Variants in MYO10 observed in about 807,000 individuals in gnomAD.
MYO10 encodes unconventional myosin-X.
A neutral mutation model predicts 257.3 loss-of-function variants in MYO10; 133 were observed. That is an observed-to-expected ratio of 0.52 (90% CI 0.45 to 0.60). MYO10 has a LOEUF of 0.60. Ranked by LOEUF, MYO10 falls within the 20% of genes least tolerant of loss-of-function variation. The probability of loss-of-function intolerance (pLI) is 0.00; values close to 1 mark genes in which losing one functional copy is unlikely to be tolerated. For synonymous variants in MYO10, 1,104 were observed against 1,028.6 expected (o/e 1.07, Z -1.40); for missense variants, 2,399 against 2,635.7 (o/e 0.91, Z 1.97).
intron 2 of MYO10, among the ~76,000 whole-genome samples, chr5:16,831,971 C>T (rs1245238358): frequency 2.0e-5 from 3 of 152,090 alleles, no homozygotes; most frequent in Non-Finnish European, 2.9e-5. Context: ...TGAGACAGGT[C>T]TCACTTTGTC....
intron 2 of MYO10, among the ~76,000 whole-genome samples, chr5:16,821,943 A>C (rs1213034219): frequency 6.6e-6 from 1 of 151,670 alleles, no homozygotes; most frequent in African/African-American, 2.4e-5. Context: ...GCATTATTTC[A>C]AGATACAGGA....
intron 2 of MYO10, among the ~76,000 whole-genome samples, chr5:16,862,680 C>CGGAGCTTA (rs1744139066): frequency 6.6e-6 from 1 of 152,270 alleles, no homozygotes; most frequent in South Asian, 2.1e-4. Context: ...ACTGCCTGGT[C>CGGAGCTTA]GGAGCTTAGC....
At position 16,936,225 on chromosome 5, in the gene MYO10, C is replaced by T. The variant is rs1431930876; in HGVS notation, c.-417G>A. On this transcript the variant is annotated 5_prime_UTR_variant, in exon 1 of 41. Transcript: ENST00000513610. ...CAAAGTGAGCAGGAGCCGCGATCCC[C>T]GCGCGAGCGCTTGGAGGTGAGCAGT... is the stretch of plus-strand genomic sequence containing the variant. The T allele has an allele frequency of 4.7e-5, 9 of 190,996 alleles. 1 individual carries two copies. In the South Asian group the frequency reaches 6.4e-4, roughly 13 times the overall value. 11.8% of individuals were successfully genotyped at this position (190,996 alleles called of 1,614,324 possible).
chr5:16,760,837 C>T (rs867866738), intron 17 of MYO10, among the ~76,000 whole-genome samples: 38 of 152,214 alleles, frequency 2.5e-4, no homozygotes, highest in Admixed American at 9.8e-4. Context: ...GGGGAAGTCA[C>T]TTAACAGCTT....
chr5:16,785,427 T>C (rs770763827), intron 4 of MYO10, among the ~76,000 whole-genome samples: 6 of 152,246 alleles, frequency 3.9e-5, no homozygotes, highest in Non-Finnish European at 7.3e-5. Context: ...GCGACAGCTG[T>C]TGGTGGCTGA....
Position 16,748,168 on chromosome 5 carries a change from C to T in MYO10, c.1929+6660G>A, listed in dbSNP as rs186832420. Among the ~76,000 whole-genome samples, 65 of 152,176 alleles carry T rather than the reference C, an allele frequency of 4.3e-4. 1 individual carries two copies. The highest frequency in any genetic ancestry group is 1.3e-3 in the African/African-American group (53 of 41,546). The stretch of plus-strand genomic sequence containing the variant: ...CACTGCAGCCTTGACCTCCCAGGCT[C>T]GGATGATCCTCCCACCTCAGCCTCT... On this transcript the variant is annotated intron_variant, in intron 19 of 40. Coordinates refer to ENST00000513610, the MANE Select transcript of MYO10 (RefSeq NM_012334.3).
Position 16,852,864 on chromosome 5 carries a change from C to T in MYO10, c.120+24745G>A, listed in dbSNP as rs74954838. Among the ~76,000 whole-genome samples, 713 of 152,222 alleles carry T rather than the reference C, an allele frequency of 4.7e-3. 11 individuals are homozygous for T. The highest frequency in any genetic ancestry group is 0.027 in the Middle Eastern group (8 of 294). ...CTTGAATTAAAATGCCCCACATAAA[C>T]CTCATGGGAATTTCTTCCAGGAATT... On this transcript the variant is annotated intron_variant, in intron 2 of 40. Transcript: ENST00000513610.
At chr5:16,929,700 C>A (rs1348839381) in intron 1 of MYO10, among the ~76,000 whole-genome samples, 1 of 152,140 alleles carries the variant, frequency 6.6e-6, no homozygotes, top group Admixed American at 6.5e-5. Context: ...ACAGTTGTCC[C>A]TATGTATCTA....
intron 32 of MYO10, among the ~76,000 whole-genome samples, 183 bp from the exon 33 acceptor site, chr5:16,680,287 T>C (rs773256111): frequency 1.4e-4 from 22 of 152,176 alleles, no homozygotes; most frequent in Non-Finnish European, 2.9e-4. Flanking sequence ...AAAAAGTGTC[T>C]CTTGCACTGT....
At chr5:16,851,793 C>T (rs1314734807) in intron 2 of MYO10, among the ~76,000 whole-genome samples, 1 of 152,118 alleles carries the variant, frequency 6.6e-6, no homozygotes, top group Non-Finnish European at 1.5e-5. Context: ...TGGCTCATGC[C>T]TGTAATCCCA....
intron 3 of MYO10, among the ~76,000 whole-genome samples, chr5:16,796,246 CGAGAGAGAGA>C (rs59125385): frequency 1.7e-5 from 2 of 117,172 alleles, no homozygotes; most frequent in African/African-American, 6.5e-5. Flanking sequence ...AGCGAGCGTG[CGAGAGAGAGA>C]GAGAGAGAAA....
rs73053063 is a variant in MYO10, at chr5:16,774,177, C to T, written c.931-4974G>A. On this transcript the variant is annotated intron_variant, in intron 9 of 40. Coordinates refer to ENST00000513610, the MANE Select transcript of MYO10 (RefSeq NM_012334.3). ...CACATAAAAAACAGATGCTTGTGAACGTGAATGTGTGTTGGGGGATGGTGG... is the reference window on the plus strand; with the variant it reads ...CACATAAAAAACAGATGCTTGTGAATGTGAATGTGTGTTGGGGGATGGTGG... Among the ~76,000 whole-genome samples the T allele has an allele frequency of 2.6e-3, 399 of 152,202 alleles. 1 individual carries two copies. The highest frequency in any genetic ancestry group is 9.2e-3 in the African/African-American group (384 of 41,552).
intron 3 of MYO10, among the ~76,000 whole-genome samples, chr5:16,802,544 C>G (rs959985389): frequency 3.7e-4 from 56 of 150,838 alleles, no homozygotes; most frequent in Middle Eastern, 3.4e-3. Context: ...GTAGTCCCAG[C>G]TACTCAGGAG....
chr5:16,778,846 A>G (rs574628051), intron 9 of MYO10, among the ~76,000 whole-genome samples: 3 of 151,738 alleles, frequency 2.0e-5, no homozygotes, highest in Middle Eastern at 3.4e-3. Context: ...GCCCGCCACC[A>G]CGCCCGGCTA....
intron 9 of MYO10, among the ~76,000 whole-genome samples, chr5:16,769,563 C>T (rs112353090): frequency 1.3e-5 from 2 of 152,310 alleles, no homozygotes; most frequent in Non-Finnish European, 2.9e-5. Flanking sequence ...TGGTCTTGAA[C>T]TCCTGACCTC....
intron 9 of MYO10, among the ~76,000 whole-genome samples, chr5:16,773,047 G>A (rs1384375624): frequency 2.6e-5 from 4 of 152,094 alleles, no homozygotes; most frequent in Non-Finnish European, 5.9e-5. Context: ...ACTTTAAATG[G>A]ACGTATTTAA....
chr5:16,821,173 A>T (rs1033235200), intron 2 of MYO10, among the ~76,000 whole-genome samples: 6 of 148,424 alleles, frequency 4.0e-5, no homozygotes, highest in Non-Finnish European at 8.9e-5. Flanking sequence ...TATATATATA[A>T]AATGACTTAA....
At chr5:16,829,261 C>T (rs1444585925) in intron 2 of MYO10, among the ~76,000 whole-genome samples, 1 of 152,080 alleles carries the variant, frequency 6.6e-6, no homozygotes, top group East Asian at 1.9e-4. Flanking sequence ...TGGCTTCTGA[C>T]CTGAAGGACA....
At chr5:16,741,638 T>C (rs1740022195) in intron 19 of MYO10, among the ~76,000 whole-genome samples, 1 of 152,230 alleles carries the variant, frequency 6.6e-6, no homozygotes, top group Non-Finnish European at 1.5e-5. Context: ...TAGTTCAAAC[T>C]TGTACATGCA....
Sources: allele counts gnomAD v4.1 joint callset (sites outside exome capture counted in the v4.1 genomes callset), GRCh38; gene constraint gnomAD v4.1.1; transcripts MANE v1.5; gene names NCBI Gene and HGNC (gene_info 2026-07-23, HGNC 2026-07-21).